NCBP3: variants seen among roughly 807,000 people sequenced by gnomAD.
NCBP3 encodes the protein nuclear cap binding subunit 3.
NCBP3 carries 20 observed loss-of-function variants against 75.7 expected under a neutral mutation model. The observed-to-expected ratio is 0.26, with a 90% confidence interval of 0.19 to 0.38. The LOEUF (loss-of-function observed/expected upper bound fraction) is 0.38. NCBP3 is among the 10% of genes least tolerant of loss of function. The probability of loss-of-function intolerance (pLI) is 1.00; values close to 1 mark genes in which losing one functional copy is unlikely to be tolerated. For missense variants in NCBP3, 678 were observed against 796.9 expected (o/e 0.85, Z 1.80); for synonymous variants, 293 against 290.5 (o/e 1.01, Z -0.09).
At chr17:3,828,683 G>A (rs1000069755) in intron 4 of NCBP3, among the ~76,000 whole-genome samples, 1 of 152,076 alleles carries the variant, frequency 6.6e-6, no homozygotes, top group Admixed American at 6.6e-5. Context: ...AAAGCTCATG[G>A]GTCAGGGCAA....
Position 3,826,277 on chromosome 17 carries a change from G to A in NCBP3, c.482-62C>T, listed in dbSNP as rs575781238. 1.0e-5 allele frequency: 15 copies of A among 1,452,440 alleles called. No homozygotes were observed. In the African/African-American group the frequency reaches 1.4e-4, roughly 14 times the overall value. The allele number at this position is 1,452,440 out of a possible 1,614,324, so 90.0% of individuals were successfully genotyped here. On this transcript the variant is annotated intron_variant, in intron 4 of 12. Coordinates refer to ENST00000389005, the MANE Select transcript of NCBP3 (RefSeq NM_001114118.3). ...GGAAATGGTAAGCTTCTTGAGAGCA[G>A]ATTCTGCATCGCATTCATCACTACA...
chr17:3,828,669 T>C (rs1160116404), intron 4 of NCBP3, among the ~76,000 whole-genome samples: 1 of 151,886 alleles, frequency 6.6e-6, no homozygotes, highest in African/African-American at 2.4e-5. Context: ...GGCCCACAAG[T>C]TGGAAAGCTC....
intron 5 of NCBP3, 24 bp from the exon 6 acceptor site, chr17:3,825,867 G>A (rs1311224195): frequency 5.3e-6 from 8 of 1,517,372 alleles, no homozygotes; most frequent in Non-Finnish European, 7.2e-6. Context: ...TGAAGGACAA[G>A]ATGAAACAAG....
rs1352588750 is a variant in NCBP3 at position 3,817,734 on chromosome 17, AATTT to A, written c.1310+525_1310+528del. ...TTTGTGTAATAACTGGACTTTGAGG[AATTT>A]ATTGAGTTAGTGCAATTGTAAGAAA... On this transcript the variant is annotated intron_variant, in intron 10 of 12. Coordinates refer to ENST00000389005, the MANE Select transcript of NCBP3 (RefSeq NM_001114118.3). 2.0e-5 allele frequency among the ~76,000 whole-genome samples: 3 copies of A among 152,354 alleles called. No homozygotes were observed. In the East Asian group the frequency reaches 5.8e-4, roughly 29 times the overall value.
intron 1 of NCBP3, among the ~76,000 whole-genome samples, chr17:3,845,500 G>A (rs2054145987): frequency 6.6e-6 from 1 of 151,852 alleles, no homozygotes; most frequent in Admixed American, 6.6e-5. Flanking sequence ...TGTCACTGGA[G>A]CTGCGGGGGG....
rs2053530905 is a variant in NCBP3, at chr17:3,816,276, A to T, written c.1311-6T>A. ...TATCTGCCCTCATGGAGTTCCTTTAAAAAGGGGGTAGGATGGGGCACAGTT... is the reference window on the plus strand; with the variant it reads ...TATCTGCCCTCATGGAGTTCCTTTATAAAGGGGGTAGGATGGGGCACAGTT... On this transcript the variant is annotated splice_polypyrimidine_tract_variant and splice_region_variant and intron_variant, in intron 10 of 12. Coordinates refer to ENST00000389005, the MANE Select transcript of NCBP3 (RefSeq NM_001114118.3). 6.2e-7 allele frequency: 1 copy of T among 1,612,104 alleles called. No individual in the cohort carries two copies. Among genetic ancestry groups the T allele is most frequent in the Admixed American group, 1.7e-5 (1 of 59,736 alleles).
intron 5 of NCBP3, 30 bp from the exon 6 acceptor site, chr17:3,825,873 A>C (rs1336077307): frequency 6.6e-7 from 1 of 1,519,208 alleles, no homozygotes; most frequent in African/African-American, 1.4e-5. Flanking sequence ...ACAAGATGAA[A>C]CAAGATAAAA....
Position 3,845,415 on chromosome 17 carries a change from A to C in NCBP3, c.183+626T>G, listed in dbSNP as rs982429114. ...CTCACCATCCCCAGCGCGGTAAAGG[A>C]GGGACCAAGGATGTCTATTGGTCGT... On this transcript the variant is annotated intron_variant, in intron 1 of 12. Transcript: ENST00000389005. Among the ~76,000 whole-genome samples, 7 of 152,130 alleles carry C rather than the reference A, an allele frequency of 4.6e-5. No homozygotes were observed. In the East Asian group the frequency reaches 1.3e-3, roughly 29 times the overall value.
chr17:3,831,275 T>C (rs888455036), intron 3 of NCBP3, among the ~76,000 whole-genome samples: 3 of 151,640 alleles, frequency 2.0e-5, no homozygotes, highest in Non-Finnish European at 4.4e-5. Flanking sequence ...TGTAAATATA[T>C]CAATAAATAA....
At chr17:3,839,218 GATCAA>G (rs545214523) in intron 3 of NCBP3, among the ~76,000 whole-genome samples, 5 of 152,204 alleles carry the variant, frequency 3.3e-5, no homozygotes, top group African/African-American at 1.2e-4. Flanking sequence ...AAAACACAAA[GATCAA>G]ATCAAATCAC....
chr17:3,813,771 T>A (rs758879938), intron 12 of NCBP3, among the ~76,000 whole-genome samples: 1 of 152,174 alleles, frequency 6.6e-6, no homozygotes, highest in African/African-American at 2.4e-5. Flanking sequence ...TGAGACAAGG[T>A]CTTGCTGTTG....
chr17:3,817,966 T>TACACACACACACACAC (rs61462832), intron 10 of NCBP3, among the ~76,000 whole-genome samples: 2 of 148,938 alleles, frequency 1.3e-5, no homozygotes, highest in African/African-American at 4.9e-5. Flanking sequence ...CCCTGTGCCA[T>TACACACACACACACAC]ACACACACAC....
chr17:3,819,874 G>A (rs1206758347), intron 9 of NCBP3, among the ~76,000 whole-genome samples: 1 of 152,120 alleles, frequency 6.6e-6, no homozygotes, highest in African/African-American at 2.4e-5. Context: ...CCTTAATATG[G>A]ATATAAAAAG....
chr17:3,829,220 A>G, intron 4 of NCBP3, 23 bp downstream of exon 4: 1 of 1,550,566 alleles, frequency 6.4e-7, no homozygotes, highest in African/African-American at 1.4e-5. Context: ...AAGCATATTC[A>G]CAGGAAACTC....
rs1340116602 is a variant in NCBP3 at position 3,843,100 on chromosome 17, C to T, written c.235G>A (p.Asp79Asn). 5.8e-6 allele frequency: 9 copies of T among 1,551,350 alleles called. No individual in the cohort carries two copies. The Admixed American group carries it at 1.4e-4, about 24-fold the overall frequency. Reference sequence around the variant, plus strand: ...GCCTGTCTTACCTTGGAGGTGACATCAATTCCAGTGATGAAGCTGCCAGCC... The same window carrying T: ...GCCTGTCTTACCTTGGAGGTGACATTAATTCCAGTGATGAAGCTGCCAGCC... ...NKAGSFITGI[D>N]VTSKEAIEKK... The change falls in exon 2 of 13, where the codon GAT becomes AAT. Residue 79 changes from aspartate to asparagine, a missense_variant. Coordinates refer to ENST00000389005, the MANE Select transcript of NCBP3 (RefSeq NM_001114118.3).
At chr17:3,837,446 G>A (rs1053209814) in intron 3 of NCBP3, among the ~76,000 whole-genome samples, 1 of 151,706 alleles carries the variant, frequency 6.6e-6, no homozygotes, top group Non-Finnish European at 1.5e-5. Flanking sequence ...GCAGTGAGCC[G>A]AGATCGCGCC....
rs904195266 is a variant in NCBP3, at chr17:3,804,473, G to T, written c.*8571C>A. On this transcript the variant is annotated 3_prime_UTR_variant, in exon 13 of 13. Transcript: ENST00000389005. Reference sequence around the variant, plus strand: ...TGGTGGGAGAATTGCTTGAACCTGGGAGGCGGAGGGTGCAGTGAGCCGAGA... The same window carrying T: ...TGGTGGGAGAATTGCTTGAACCTGGTAGGCGGAGGGTGCAGTGAGCCGAGA... 1 of 152,190 alleles carries T rather than the reference G, an allele frequency of 6.6e-6. No individual in the cohort carries two copies. The highest frequency in any genetic ancestry group is 2.4e-5 in the African/African-American group (1 of 41,428). The allele number at this position is 152,190 out of a possible 1,614,324, so 9.4% of individuals were successfully genotyped here. A position where few individuals can be genotyped will look rare whatever the true frequency, so the allele number is the denominator to read the frequency against.
chr17:3,842,656 C>T (rs544912327), intron 2 of NCBP3, among the ~76,000 whole-genome samples: 1 of 152,114 alleles, frequency 6.6e-6, no homozygotes, highest in Non-Finnish European at 1.5e-5. Context: ...ATGAAGACAT[C>T]GTTGTATAAC....
In NCBP3 at chr17:3,806,847, G is replaced by A. The variant is rs1270759201; in HGVS notation, c.*6197C>T. ...AACAATCTTCCTGGACACAGTGTGC[G>A]ATTCTCAGTATCAAAAGCATTCTCT... On this transcript the variant is annotated 3_prime_UTR_variant, in exon 13 of 13. Coordinates refer to ENST00000389005, the MANE Select transcript of NCBP3 (RefSeq NM_001114118.3). The A allele has an allele frequency of 2.6e-5, 4 of 152,098 alleles. 1 individual carries two copies. The highest frequency in any genetic ancestry group is 4.1e-4 in the South Asian group (2 of 4,826). The allele number at this position is 152,098 out of a possible 1,614,324, so 9.4% of individuals were successfully genotyped here.
Sources: gnomAD v4.1 joint callset for allele counts (sites outside exome capture counted in the v4.1 genomes callset) on GRCh38, gnomAD v4.1.1 for gene constraint, MANE v1.5 for transcripts, NCBI Gene and HGNC (gene_info 2026-07-23, HGNC 2026-07-21) for gene names.